MGAT5: variants seen among roughly 807,000 people sequenced by gnomAD.
The protein encoded by MGAT5 is alpha-1,6-mannosylglycoprotein 6-beta-N-acetylglucosaminyltransferase, also known as alpha-1,6-mannosylglycoprotein 6-beta-N-acetylglucosaminyltransferase A.
MGAT5 carries 30 observed loss-of-function variants against 94.3 expected under a neutral mutation model. That is an observed-to-expected ratio of 0.32 (90% CI 0.24 to 0.43). The LOEUF (loss-of-function observed/expected upper bound fraction) is 0.43. Ranked by LOEUF, MGAT5 falls within the 20% of genes least tolerant of loss-of-function variation. The probability of loss-of-function intolerance (pLI) is 1.00; values close to 1 mark genes in which losing one functional copy is unlikely to be tolerated. For missense variants in MGAT5, 691 were observed against 905.5 expected, an observed-to-expected ratio of 0.76 and a Z score of 3.04; for synonymous variants, 310 against 322.9, an observed-to-expected ratio of 0.96 and a Z score of 0.43.
At chr2:134,189,911 T>C (rs1689283644) in intron 1 of MGAT5, among the ~76,000 whole-genome samples, 1 of 152,158 alleles carries the variant, frequency 6.6e-6, no homozygotes, top group East Asian at 1.9e-4. Flanking sequence ...CTTTTCCTTT[T>C]CTTTAGAATA....
At chr2:134,270,232 C>T (rs147396893) in intron 1 of MGAT5, among the ~76,000 whole-genome samples, 154 bp from the exon 2 acceptor site, 29 of 152,334 alleles carry the variant, frequency 1.9e-4, no homozygotes, top group East Asian at 1.3e-3. Context: ...CAGTTGAAGA[C>T]GGCCCTTGTC....
chr2:134,282,544 A>T (rs909750948), intron 2 of MGAT5, among the ~76,000 whole-genome samples: 1 of 152,226 alleles, frequency 6.6e-6, no homozygotes, highest in African/African-American at 2.4e-5. Context: ...CTGTTATTCT[A>T]CCACCCAGAG....
chr2:134,316,861 G>C (rs1052080531), intron 2 of MGAT5, among the ~76,000 whole-genome samples: 1 of 152,168 alleles, frequency 6.6e-6, no homozygotes, highest in Non-Finnish European at 1.5e-5. Context: ...TTTTCGTTTT[G>C]ACCCTACAGT....
chr2:134,402,188 A>G (rs1478047939), intron 10 of MGAT5, among the ~76,000 whole-genome samples: 3 of 152,214 alleles, frequency 2.0e-5, no homozygotes, highest in African/African-American at 7.2e-5. Context: ...GTTTAGTCAC[A>G]GGGAAACACA....
rs1326636567 is a variant in MGAT5 at position 134,448,892 on chromosome 2, G to A, written c.*45G>A. 6.3e-7 allele frequency: 1 copy of A among 1,578,856 alleles called. No individual in the cohort carries two copies. Among genetic ancestry groups the A allele is most frequent in the Non-Finnish European group, 8.6e-7 (1 of 1,156,490 alleles). On this transcript the variant is annotated 3_prime_UTR_variant, in exon 16 of 16. Transcript: ENST00000281923. Reference sequence around the variant, plus strand: ...GCACCATGCTGCTGGGGAAGACAGTGGCCCCAGCCCCGTCAGGCAGGGCCA... The same window carrying A: ...GCACCATGCTGCTGGGGAAGACAGTAGCCCCAGCCCCGTCAGGCAGGGCCA...
intron 1 of MGAT5, among the ~76,000 whole-genome samples, chr2:134,183,448 A>G (rs1688849479): frequency 6.6e-6 from 1 of 152,270 alleles, no homozygotes; most frequent in Admixed American, 6.5e-5. Flanking sequence ...AGCTGGGTAC[A>G]CTGTATAGAA....
Position 134,392,262 on chromosome 2 carries a change from T to C in MGAT5, c.1381-10726T>C, listed in dbSNP as rs140079371. Among the ~76,000 whole-genome samples, 67 of 152,368 alleles carry C rather than the reference T, an allele frequency of 4.4e-4. 1 individual carries two copies. The highest frequency in any genetic ancestry group is 1.5e-3 in the African/African-American group (63 of 41,582). On this transcript the variant is annotated intron_variant, in intron 10 of 15. Coordinates refer to ENST00000281923, the MANE Select transcript of MGAT5 (RefSeq NM_002410.5). ...ATTTGCAGCATTTTAGATTGGAAGG[T>C]ACTCTAATTAGAGTGATCACTTTTA...
At chr2:134,128,210 GAAAA>G (rs60527385) in intron 1 of MGAT5, among the ~76,000 whole-genome samples, 3 of 82,712 alleles carry the variant, frequency 3.6e-5, no homozygotes, top group South Asian at 7.6e-4. Context: ...CCTCTACAAA[GAAAA>G]AAAAAAAAGA....
chr2:134,258,149 G>T (rs945401622), intron 1 of MGAT5, among the ~76,000 whole-genome samples: 1 of 105,698 alleles, frequency 9.5e-6, no homozygotes, highest in African/African-American at 3.8e-5. Flanking sequence ...TGACCTATGC[G>T]CCAAATTCAG....
chr2:134,405,523 A>ATC (rs1683284702), intron 11 of MGAT5, among the ~76,000 whole-genome samples: 1 of 152,230 alleles, frequency 6.6e-6, no homozygotes, highest in African/African-American at 2.4e-5. Context: ...CAGGCTTCGC[A>ATC]TCTATAACCC....
intron 14 of MGAT5, among the ~76,000 whole-genome samples, chr2:134,441,013 T>C (rs192519769): frequency 2.4e-4 from 36 of 152,384 alleles, no homozygotes; most frequent in African/African-American, 8.2e-4. Flanking sequence ...AAATGTACCA[T>C]AGGAACTTAA....
intron 1 of MGAT5, among the ~76,000 whole-genome samples, chr2:134,200,558 T>A (rs145598263): frequency 1.1e-3 from 164 of 152,308 alleles, no homozygotes; most frequent in African/African-American, 3.7e-3. Flanking sequence ...AGACTGAGTG[T>A]CTTTCTATAT....
chr2:134,307,579 A>G (rs1170469996), intron 2 of MGAT5, among the ~76,000 whole-genome samples: 2 of 152,178 alleles, frequency 1.3e-5, no homozygotes, highest in Non-Finnish European at 2.9e-5. Context: ...GCTGGAATTC[A>G]TGATTCTGTG....
rs577220865 is a variant in MGAT5 at position 134,191,418 on chromosome 2, G to A, written c.-142-62844G>A. On this transcript the variant is annotated intron_variant, in intron 1 of 16. Coordinates refer to the MGAT5 transcript ENST00000409645. ...CGGGAGCGCGTGGGTTATCGCGGGA[G>A]CGCGTTCCTGATGAAAGGGTGGGTT... Among the ~76,000 whole-genome samples, 7 of 152,354 alleles carry A rather than the reference G, an allele frequency of 4.6e-5. No individual in the cohort carries two copies. In the South Asian group the frequency reaches 1.2e-3, roughly 27 times the overall value.
At chr2:134,163,993 C>G (rs555580073) in intron 1 of MGAT5, among the ~76,000 whole-genome samples, 2 of 152,304 alleles carry the variant, frequency 1.3e-5, no homozygotes, top group African/African-American at 4.8e-5. Context: ...CAATGAACAA[C>G]AGAGAGAGAA....
rs528591344 is a variant in MGAT5, at chr2:134,217,655, G to C, written c.-142-36607G>C. Among the ~76,000 whole-genome samples the C allele has an allele frequency of 4.6e-5, 7 of 152,342 alleles. No individual in the cohort carries two copies. The South Asian group carries it at 1.4e-3, about 32-fold the overall frequency. ...AAATAGATGGCTGTAAATAAGGTTGGTTTTGTTACCTGGGCTTTTTCATTT... is the reference window on the plus strand; with the variant it reads ...AAATAGATGGCTGTAAATAAGGTTGCTTTTGTTACCTGGGCTTTTTCATTT... On this transcript the variant is annotated intron_variant, in intron 1 of 16. Coordinates refer to the MGAT5 transcript ENST00000409645.
At position 134,163,921 on chromosome 2, in the gene MGAT5, C is replaced by T. The variant is rs191449159; in HGVS notation, c.-143+43630C>T. Among the ~76,000 whole-genome samples, 140 of 152,298 alleles carry T rather than the reference C, an allele frequency of 9.2e-4. 1 individual carries two copies. Among genetic ancestry groups the T allele is most frequent in the African/African-American group, 3.2e-3 (135 of 41,566 alleles). On this transcript the variant is annotated intron_variant, in intron 1 of 16. Transcript: ENST00000409645. ...TGGCAGCCATGAAGGCTGGCTTGTCCTGGGTGCGGAATTCAGTTTTAGTGG... is the reference window on the plus strand; with the variant it reads ...TGGCAGCCATGAAGGCTGGCTTGTCTTGGGTGCGGAATTCAGTTTTAGTGG...
chr2:134,146,375 TAGTG>T (rs1261495086), intron 1 of MGAT5, among the ~76,000 whole-genome samples: 1 of 151,320 alleles, frequency 6.6e-6, no homozygotes, highest in Non-Finnish European at 1.5e-5. Context: ...CTGGGCAACA[TAGTG>T]AGACCTCGTC....
intron 1 of MGAT5, among the ~76,000 whole-genome samples, chr2:134,207,814 T>C (rs772187656): frequency 6.6e-6 from 1 of 152,014 alleles, no homozygotes; most frequent in Non-Finnish European, 1.5e-5. Context: ...CCTCAGGAGG[T>C]CTTTGCCCAG....
Sources: gnomAD v4.1 joint callset for allele counts (sites outside exome capture counted in the v4.1 genomes callset) on GRCh38, gnomAD v4.1.1 for gene constraint, MANE v1.5 for transcripts, NCBI Gene and HGNC (gene_info 2026-07-23, HGNC 2026-07-21) for gene names.